Variants in FCHO2 observed in about 807,000 individuals in gnomAD.
FCHO2 encodes FCH and mu domain containing endocytic adaptor 2, also known as F-BAR domain only protein 2.
A neutral mutation model predicts 114.1 loss-of-function variants in FCHO2; 43 were observed. That is an observed-to-expected ratio of 0.38 (90% CI 0.30 to 0.49). FCHO2 has a LOEUF of 0.49. Among genes scored for constraint, FCHO2 ranks in the 20% least tolerant of loss-of-function variants. The probability of loss-of-function intolerance (pLI) is 0.97; values close to 1 mark genes in which losing one functional copy is unlikely to be tolerated. For missense variants in FCHO2, 807 were observed against 950.4 expected (o/e 0.85, Z 1.98); for synonymous variants, 293 against 315.2 (o/e 0.93, Z 0.75).
intron 10 of FCHO2, among the ~76,000 whole-genome samples, chr5:73,037,573 C>A (rs1756583943): frequency 6.6e-6 from 1 of 152,030 alleles, no homozygotes; most frequent in African/African-American, 2.4e-5. Flanking sequence ...AAGAGAAAAT[C>A]TCTGGTCAAC....
In FCHO2 at chr5:73,052,083, C is replaced by T. The variant is rs186818898; in HGVS notation, c.998-249C>T. On this transcript the variant is annotated intron_variant, in intron 12 of 25. Transcript: ENST00000430046. ...GGACCACAGGTGCATGCCACCATGC[C>T]GAGCTAATTTTTTGTATTTTTAGTA... Among the ~76,000 whole-genome samples the T allele has an allele frequency of 9.2e-4, 140 of 151,936 alleles. 2 individuals are homozygous for T. Among genetic ancestry groups the T allele is most frequent in the Middle Eastern group, 3.4e-3 (1 of 294 alleles).
intron 2 of FCHO2, among the ~76,000 whole-genome samples, chr5:72,982,633 G>A (rs1753276889): frequency 6.6e-6 from 1 of 152,014 alleles, no homozygotes; most frequent in South Asian, 2.1e-4. Context: ...GCCAAGGTCT[G>A]GTGTATTGGA....
At chr5:73,085,183 T>C (rs1743253881) in intron 24 of FCHO2, among the ~76,000 whole-genome samples, 1 of 152,062 alleles carries the variant, frequency 6.6e-6, no homozygotes, top group Non-Finnish European at 1.5e-5. Flanking sequence ...ACCCTGTCTC[T>C]ACTAAAAATA....
At chr5:73,066,737 C>T (rs1337653469) in intron 18 of FCHO2, among the ~76,000 whole-genome samples, 1 of 151,892 alleles carries the variant, frequency 6.6e-6, no homozygotes, top group Non-Finnish European at 1.5e-5. Flanking sequence ...AGTACCAGAT[C>T]AGTAGCATTA....
chr5:73,060,504 A>G (rs1178715156), intron 17 of FCHO2, among the ~76,000 whole-genome samples: 1 of 152,026 alleles, frequency 6.6e-6, no homozygotes, highest in Non-Finnish European at 1.5e-5. Flanking sequence ...TTTTTATTTC[A>G]CTTATTTTTA....
At chr5:73,046,435 C>G (rs1422859985) in intron 11 of FCHO2, among the ~76,000 whole-genome samples, 1 of 152,054 alleles carries the variant, frequency 6.6e-6, no homozygotes, top group Non-Finnish European at 1.5e-5. Context: ...GCTTACTCAG[C>G]CATATAGAAA....
intron 6 of FCHO2, among the ~76,000 whole-genome samples, chr5:73,015,166 GC>G (rs1425372703): frequency 1.3e-5 from 2 of 151,524 alleles, no homozygotes; most frequent in Non-Finnish European, 2.9e-5. Flanking sequence ...TTTTTGCAGT[GC>G]CATATTTCAG....
chr5:72,991,845 A>G (rs935658589), intron 5 of FCHO2, among the ~76,000 whole-genome samples: 3 of 152,204 alleles, frequency 2.0e-5, no homozygotes, highest in African/African-American at 7.2e-5. Flanking sequence ...AAATGCACAG[A>G]TACTTTATTT....
intron 2 of FCHO2, among the ~76,000 whole-genome samples, chr5:72,973,904 CTT>C (rs2112619910): frequency 6.7e-6 from 1 of 149,084 alleles, no homozygotes; most frequent in South Asian, 2.1e-4. Flanking sequence ...TATGTTGTGT[CTT>C]TGTTCTCGTT....
chr5:72,976,350 A>G (rs1478317402), intron 2 of FCHO2, among the ~76,000 whole-genome samples: 1 of 151,884 alleles, frequency 6.6e-6, no homozygotes, highest in African/African-American at 2.4e-5. Flanking sequence ...AAGTGCTGAG[A>G]TTATAGGTGT....
chr5:73,045,191 A>G (rs1428394980), intron 11 of FCHO2, among the ~76,000 whole-genome samples: 1 of 152,214 alleles, frequency 6.6e-6, no homozygotes, highest in Non-Finnish European at 1.5e-5. Flanking sequence ...CACTAATTCA[A>G]TCAAAATAGG....
intron 13 of FCHO2, among the ~76,000 whole-genome samples, chr5:73,053,859 A>C (rs1757451675): frequency 6.6e-6 from 1 of 151,564 alleles, no homozygotes; most frequent in African/African-American, 2.4e-5. Flanking sequence ...ATAGTTTTAA[A>C]TTTTCTCTTT....
At chr5:73,012,022 T>A (rs1347451599) in intron 6 of FCHO2, among the ~76,000 whole-genome samples, 1 of 152,196 alleles carries the variant, frequency 6.6e-6, no homozygotes, top group Non-Finnish European at 1.5e-5. Flanking sequence ...GTAGAAGGAT[T>A]ACACTCTAAT....
chr5:73,015,755 C>A, intron 7 of FCHO2, 31 bp downstream of exon 7: 1 of 1,378,012 alleles, frequency 7.3e-7, no homozygotes, highest in Non-Finnish European at 9.8e-7. Context: ...TTGAACTATT[C>A]ATGAAAAATT....
intron 2 of FCHO2, among the ~76,000 whole-genome samples, chr5:72,974,009 G>A (rs995813808): frequency 2.0e-5 from 3 of 151,390 alleles, no homozygotes; most frequent in Admixed American, 6.6e-5. Context: ...GTAGTTGAGC[G>A]GTTTTGAGTG....
At chr5:73,020,631 G>T in intron 8 of FCHO2, 1 of 831,308 alleles carries the variant, frequency 1.2e-6, no homozygotes, top group Non-Finnish European at 2.1e-6. Flanking sequence ...GGGGTTGGTA[G>T]AAGGAGGACT....
chr5:73,017,398 A>C (rs527571458), intron 8 of FCHO2, 90 bp downstream of exon 8: 5 of 710,618 alleles, frequency 7.0e-6, no homozygotes, highest in Non-Finnish European at 8.6e-6. Flanking sequence ...GGTAAGGGGT[A>C]ATTTTAACTT....
chr5:73,051,437 A>T, intron 12 of FCHO2, 31 bp downstream of exon 12: 2 of 1,419,832 alleles, frequency 1.4e-6, no homozygotes, highest in South Asian at 2.6e-5. Context: ...ATTCTTAAGG[A>T]TTATGTTGGC....
chr5:72,971,527 C>T (rs934921444), intron 2 of FCHO2, among the ~76,000 whole-genome samples: 23 of 152,244 alleles, frequency 1.5e-4, no homozygotes, highest in East Asian at 5.8e-4. Flanking sequence ...TCATGTCCTT[C>T]GCCCACTTTT....
Sources: allele counts gnomAD v4.1 joint callset (sites outside exome capture counted in the v4.1 genomes callset), GRCh38; gene constraint gnomAD v4.1.1; transcripts MANE v1.5; gene names NCBI Gene and HGNC (gene_info 2026-07-23, HGNC 2026-07-21).